The following ELAVL2 variants were observed in gnomAD, a reference collection of about 807,000 sequenced individuals.
The protein encoded by ELAVL2 is ELAV like RNA binding protein 2, also known as ELAV-like protein 2.
In ELAVL2, 4 loss-of-function variants were observed where a neutral mutation model predicts 34.6. That is an observed-to-expected ratio of 0.12 (90% CI 0.06 to 0.26). The LOEUF (loss-of-function observed/expected upper bound fraction) is 0.26. ELAVL2 is among the 10% of genes least tolerant of loss of function. The pLI is 1.00. For missense variants in ELAVL2, 432 were observed against 442.8 expected (o/e 0.98, Z 0.22); for synonymous variants, 193 against 154.8 (o/e 1.25, Z -1.83).
intron 5 of ELAVL2, among the ~76,000 whole-genome samples, chr9:23,698,140 T>TA (rs1300626272): frequency 6.6e-6 from 1 of 152,136 alleles, no homozygotes; most frequent in Non-Finnish European, 1.5e-5. Flanking sequence ...GGCACACAGG[T>TA]CATTACACTA....
intron 5 of ELAVL2, among the ~76,000 whole-genome samples, chr9:23,699,708 T>A (rs978233324): frequency 6.6e-6 from 1 of 151,970 alleles, no homozygotes; most frequent in Non-Finnish European, 1.5e-5. Flanking sequence ...AAAAGGGCTT[T>A]CTTTGTGAGA....
At chr9:23,769,880 G>C (rs909399599) in intron 1 of ELAVL2, among the ~76,000 whole-genome samples, 6 of 152,210 alleles carry the variant, frequency 3.9e-5, no homozygotes, top group African/African-American at 1.4e-4. Flanking sequence ...TAGTTTCAGA[G>C]CTGGCAGGTT....
intron 2 of ELAVL2, among the ~76,000 whole-genome samples, chr9:23,744,115 G>A (rs1317264531): frequency 1.3e-5 from 2 of 152,188 alleles, no homozygotes; most frequent in African/African-American, 2.4e-5. Flanking sequence ...CTAGCCTTAT[G>A]AATTTGAGAT....
intron 2 of ELAVL2, among the ~76,000 whole-genome samples, chr9:23,733,542 C>T (rs140852231): frequency 5.9e-5 from 9 of 152,216 alleles, no homozygotes; most frequent in Non-Finnish European, 1.2e-4. Flanking sequence ...TTCACAGTTG[C>T]GTTGTTTAGG....
chr9:23,749,727 G>A (rs1204257565), intron 2 of ELAVL2, among the ~76,000 whole-genome samples: 2 of 152,030 alleles, frequency 1.3e-5, no homozygotes, highest in African/African-American at 4.8e-5. Context: ...TGTGTTCAAA[G>A]CACTTAAAAA....
intron 1 of ELAVL2, among the ~76,000 whole-genome samples, chr9:23,766,170 G>C (rs1309528120): frequency 6.6e-6 from 1 of 152,068 alleles, no homozygotes; most frequent in Non-Finnish European, 1.5e-5. Context: ...CGCCAGTAAC[G>C]ATGGATTCCA....
At chr9:23,718,196 G>T (rs954252814) in intron 3 of ELAVL2, among the ~76,000 whole-genome samples, 2 of 152,060 alleles carry the variant, frequency 1.3e-5, no homozygotes, top group Admixed American at 6.6e-5. Flanking sequence ...AACACCCAGA[G>T]AAAAATTCCT....
At chr9:23,775,244 A>C (rs955560268) in intron 1 of ELAVL2, among the ~76,000 whole-genome samples, 2 of 152,258 alleles carry the variant, frequency 1.3e-5, no homozygotes, top group South Asian at 4.1e-4. Context: ...AGATATTTAC[A>C]AACAAAATCT....
chr9:23,771,270 C>A (rs2057257755), intron 1 of ELAVL2, among the ~76,000 whole-genome samples: 1 of 152,050 alleles, frequency 6.6e-6, no homozygotes, highest in South Asian at 2.1e-4. Flanking sequence ...CTGTTGAAAT[C>A]CATTGTCAAA....
chr9:23,733,179 A>AAAAAAAAAAAAAAAAT (rs2047009975), intron 2 of ELAVL2, among the ~76,000 whole-genome samples: 1 of 151,126 alleles, frequency 6.6e-6, no homozygotes, highest in Non-Finnish European at 1.5e-5. Flanking sequence ...GCTTAAAAAA[A>AAAAAAAAAAAAAAAAT]AAAAAAAAAA....
chr9:23,776,626 C>T (rs748414675), intron 1 of ELAVL2, among the ~76,000 whole-genome samples: 2 of 151,908 alleles, frequency 1.3e-5, no homozygotes, highest in Non-Finnish European at 2.9e-5. Flanking sequence ...CCAAAACACA[C>T]CTGTGTCCTA....
chr9:23,793,531 A>C (rs927477185), intron 1 of ELAVL2, among the ~76,000 whole-genome samples: 1 of 151,960 alleles, frequency 6.6e-6, no homozygotes, highest in Admixed American at 6.6e-5. Context: ...CCAGCAACAA[A>C]ACTAATAGAG....
intron 1 of ELAVL2, among the ~76,000 whole-genome samples, chr9:23,777,959 T>C (rs967531434): frequency 1.1e-5 from 1 of 93,396 alleles, no homozygotes; most frequent in African/African-American, 4.5e-5. Flanking sequence ...ATGGCCAACA[T>C]AAACAGCAGC....
At chr9:23,817,317 C>T in intron 1 of ELAVL2, among the ~76,000 whole-genome samples, 1 of 152,032 alleles carries the variant, frequency 6.6e-6, no homozygotes, top group East Asian at 1.9e-4. Flanking sequence ...ATTCTTATGA[C>T]TTTCTGGGTT....
the ELAVL2 span, among the ~76,000 whole-genome samples, chr9:23,833,042 C>CA: frequency 6.6e-6 from 1 of 151,492 alleles, no homozygotes; most frequent in East Asian, 1.9e-4. Context: ...TCATATCTAA[C>CA]AAAAAAAGAG....
intron 1 of ELAVL2, chr9:23,821,948 G>C (rs926442232): frequency 2.0e-5 from 3 of 151,338 alleles, no homozygotes; most frequent in African/African-American, 7.3e-5. Flanking sequence ...TGCCCTGCCC[G>C]ACCGCCCTTC....
At chr9:23,811,835 A>C (rs2138121180) in intron 1 of ELAVL2, among the ~76,000 whole-genome samples, 1 of 152,118 alleles carries the variant, frequency 6.6e-6, no homozygotes, top group East Asian at 1.9e-4. Flanking sequence ...TTGCAGAAAT[A>C]CTTTTCACCT....
chr9:23,818,388 T>A (rs2064027667), intron 1 of ELAVL2, among the ~76,000 whole-genome samples: 1 of 152,086 alleles, frequency 6.6e-6, no homozygotes, highest in Non-Finnish European at 1.5e-5. Flanking sequence ...TCTTAAGAAT[T>A]TCAAGATTGG....
chr9:23,700,688 T>A (rs2036875882), intron 5 of ELAVL2, among the ~76,000 whole-genome samples: 1 of 152,208 alleles, frequency 6.6e-6, no homozygotes, highest in Non-Finnish European at 1.5e-5. Flanking sequence ...GTTAAATATT[T>A]ACTATCTGGT....
Sources: gnomAD v4.1 joint callset for allele counts (sites outside exome capture counted in the v4.1 genomes callset) on GRCh38, gnomAD v4.1.1 for gene constraint, MANE v1.5 for transcripts, NCBI Gene and HGNC (gene_info 2026-07-23, HGNC 2026-07-21) for gene names.